KCNQ3: variants seen among roughly 807,000 people sequenced by gnomAD.
KCNQ3 encodes the protein potassium voltage-gated channel subfamily Q member 3.
Under a neutral mutation model 92.5 loss-of-function variants are expected in KCNQ3, and 30 were observed. The observed-to-expected ratio is 0.32, with a 90% confidence interval of 0.24 to 0.44. KCNQ3 has a LOEUF of 0.44. KCNQ3 is among the 20% of genes least tolerant of loss of function. The pLI is 1.00. For missense variants in KCNQ3, 913 were observed against 1,140.3 expected (o/e 0.80, Z 2.87); for synonymous variants, 450 against 468.8 (o/e 0.96, Z 0.52).
chr8:132,136,880 T>C (rs1004896113), intron 12 of KCNQ3, among the ~76,000 whole-genome samples: 1 of 150,942 alleles, frequency 6.6e-6, no homozygotes, highest in Non-Finnish European at 1.5e-5. Flanking sequence ...TTTTTTTTTT[T>C]TGAGATGCAG....
rs1563775950 is a variant in KCNQ3 at position 132,154,199 on chromosome 8, T to TTTTTTTTTTTTTTTTTG, written c.1262+9268_1262+9269insCAAAAAAAAAAAAAAAA. On this transcript the variant is annotated intron_variant, in intron 9 of 14. Coordinates refer to ENST00000388996, the MANE Select transcript of KCNQ3 (RefSeq NM_004519.4). ...TACCATCAAAAGGGTAAAAGTTTTT[T>TTTTTTTTTTTTTTTTTG]TTTTTTTTTTTTTTTTTTTTTTTTA... is the stretch of plus-strand genomic sequence containing the variant. 7.5e-4 allele frequency among the ~76,000 whole-genome samples: 27 copies of TTTTTTTTTTTTTTTTTG among 35,898 alleles called. 4 individuals are homozygous for TTTTTTTTTTTTTTTTTG. The highest frequency in any genetic ancestry group is 1.2e-3 in the Non-Finnish European group (21 of 17,322). 23.6% of individuals were successfully genotyped at this position (35,898 alleles called of 152,430 possible).
At chr8:132,174,917 C>T (rs528109168) in intron 5 of KCNQ3, among the ~76,000 whole-genome samples, 1 of 152,212 alleles carries the variant, frequency 6.6e-6, no homozygotes, top group African/African-American at 2.4e-5. Context: ...GGCTGAAAGA[C>T]CTTGAAGTTA....
intron 1 of KCNQ3, among the ~76,000 whole-genome samples, chr8:132,336,616 C>T (rs1454865626): frequency 2.0e-5 from 3 of 152,204 alleles, no homozygotes; most frequent in Non-Finnish European, 4.4e-5. Context: ...TTGCACCAAC[C>T]ACCTCCTCTC....
At chr8:132,355,730 G>A (rs567815474) in intron 1 of KCNQ3, among the ~76,000 whole-genome samples, 1 of 152,310 alleles carries the variant, frequency 6.6e-6, no homozygotes, top group African/African-American at 2.4e-5. Flanking sequence ...ATGGTCTGCT[G>A]ACATGAGCTC....
intron 1 of KCNQ3, among the ~76,000 whole-genome samples, chr8:132,478,040 G>T (rs886384804): frequency 1.3e-5 from 2 of 152,056 alleles, no homozygotes; most frequent in African/African-American, 4.8e-5. Context: ...ACTGTGTGAG[G>T]ATTAAATAAA....
intron 1 of KCNQ3, among the ~76,000 whole-genome samples, chr8:132,420,629 G>T (rs947671443): frequency 4.6e-5 from 7 of 152,146 alleles, no homozygotes; most frequent in Non-Finnish European, 4.4e-5. Context: ...ACTCACGGAG[G>T]GAAGAATCCT....
At position 132,129,481 on chromosome 8, in the gene KCNQ3, C is replaced by T; in HGVS notation, c.2400G>A (p.Leu800=). 6.2e-7 allele frequency: 1 copy of T among 1,614,214 alleles called. No homozygotes were observed. Among genetic ancestry groups the T allele is most frequent in the Non-Finnish European group, 8.5e-7 (1 of 1,180,052 alleles). ...TGCTGAAGCCACTTGGAGACCTCTC[C>T]AGCTCCTCGTGGTTGACCGACATCA... The part of the protein sequence containing the change: ...LSLMSVNHEE[L]ERSPSGFSIS... The change falls in exon 15 of 15, where the codon CTG becomes CTA. Residue 800 remains leucine, a synonymous_variant. Transcript: ENST00000388996. This position sits in a 1 kb window ranked among gnomAD's most constrained non-coding sequence, Gnocchi z 5.9.
At chr8:132,407,580 T>C (rs1354675349) in intron 1 of KCNQ3, among the ~76,000 whole-genome samples, 1 of 152,210 alleles carries the variant, frequency 6.6e-6, no homozygotes, top group Non-Finnish European at 1.5e-5. Context: ...CTGTCCTCCC[T>C]GACCGTCTTT....
chr8:132,358,158 G>A (rs1031829785), intron 1 of KCNQ3, among the ~76,000 whole-genome samples: 4 of 152,240 alleles, frequency 2.6e-5, no homozygotes, highest in Admixed American at 2.6e-4. Context: ...TCAGTGAAAG[G>A]TGGCTGAGTA....
intron 1 of KCNQ3, among the ~76,000 whole-genome samples, chr8:132,466,582 A>G (rs1051437844): frequency 1.3e-5 from 2 of 152,094 alleles, no homozygotes; most frequent in African/African-American, 4.8e-5. Context: ...CCTCATGGTA[A>G]CCTGCTTAAT....
rs138146448 is a variant in KCNQ3, at chr8:132,383,031, C to T, written c.386+97116G>A. On this transcript the variant is annotated intron_variant, in intron 1 of 14. Coordinates refer to ENST00000388996, the MANE Select transcript of KCNQ3 (RefSeq NM_004519.4). ...CCTCACAGCATCATCATGAGAAGTA[C>T]CTAATTCTTCCTAAAACTCTCTCAT... Among the ~76,000 whole-genome samples the T allele has an allele frequency of 2.0e-5, 3 of 152,256 alleles. No individual in the cohort carries two copies. The South Asian group carries it at 6.2e-4, about 32-fold the overall frequency.
At chr8:132,151,271 A>T (rs1398636398) in intron 9 of KCNQ3, among the ~76,000 whole-genome samples, 1 of 152,244 alleles carries the variant, frequency 6.6e-6, no homozygotes, top group East Asian at 1.9e-4. Flanking sequence ...AACTGTTACC[A>T]TTATGACATG....
At chr8:132,317,107 T>C (rs1817766299) in intron 1 of KCNQ3, among the ~76,000 whole-genome samples, 1 of 152,222 alleles carries the variant, frequency 6.6e-6, no homozygotes, top group African/African-American at 2.4e-5. Context: ...TTTGCTATCA[T>C]GCCCTACCAA....
At chr8:132,214,759 A>G (rs1813970842) in intron 1 of KCNQ3, among the ~76,000 whole-genome samples, 1 of 152,254 alleles carries the variant, frequency 6.6e-6, no homozygotes, top group Non-Finnish European at 1.5e-5. Context: ...CTGGGTAATC[A>G]ACCGCATGCC....
At chr8:132,412,622 T>C (rs928964706) in intron 1 of KCNQ3, among the ~76,000 whole-genome samples, 8 of 152,006 alleles carry the variant, frequency 5.3e-5, no homozygotes, top group South Asian at 4.1e-4. Flanking sequence ...GCCTAAGCAA[T>C]GGTAGTGTCA....
intron 4 of KCNQ3, among the ~76,000 whole-genome samples, chr8:132,176,771 AAG>A (rs1227668142): frequency 5.3e-5 from 8 of 152,206 alleles, no homozygotes; most frequent in Non-Finnish European, 1.5e-5. Flanking sequence ...CCCCCAATGA[AAG>A]ATAGAGTTCA....
At chr8:132,153,725 A>G (rs1477658288) in intron 9 of KCNQ3, among the ~76,000 whole-genome samples, 1 of 97,516 alleles carries the variant, frequency 1.0e-5, no homozygotes, top group Non-Finnish European at 2.3e-5. Flanking sequence ...GGATACTCCT[A>G]CCCCGCAAGC....
At chr8:132,304,448 C>T (rs1245294937) in intron 1 of KCNQ3, among the ~76,000 whole-genome samples, 4 of 152,176 alleles carry the variant, frequency 2.6e-5, no homozygotes, top group Non-Finnish European at 4.4e-5. Context: ...CTTAACTTCT[C>T]CAGGGCTCAG....
intron 1 of KCNQ3, among the ~76,000 whole-genome samples, chr8:132,425,180 A>G (rs1392082031): frequency 6.6e-6 from 1 of 152,222 alleles, no homozygotes; most frequent in Non-Finnish European, 1.5e-5. Flanking sequence ...GGACGCCAAT[A>G]CATATAGTCT....
Sources: gnomAD v4.1 joint callset for allele counts (sites outside exome capture counted in the v4.1 genomes callset) on GRCh38, gnomAD v4.1.1 for gene constraint, Gnocchi (gnomAD v3.1) non-coding constraint, MANE v1.5 for transcripts, NCBI Gene and HGNC (gene_info 2026-07-23, HGNC 2026-07-21) for gene names.